Variants in DYM observed in about 807,000 individuals in gnomAD.
DYM encodes the protein dymeclin, also known as dyggve-Melchior-Clausen syndrome protein.
In DYM, 78 loss-of-function variants were observed where a neutral mutation model predicts 93.1. That is an observed-to-expected ratio of 0.84 (90% CI 0.70 to 1.01). The LOEUF is 1.01. DYM is among the 50% of genes least tolerant of loss of function. DYM has a pLI of 0.00. For missense variants in DYM, 789 were observed against 845.0 expected, an observed-to-expected ratio of 0.93 and a Z score of 0.82; for synonymous variants, 321 against 319.7, an observed-to-expected ratio of 1.00 and a Z score of -0.04.
At chr18:49,405,540 T>G (rs1568388160) in intron 2 of DYM, among the ~76,000 whole-genome samples, 2 of 152,244 alleles carry the variant, frequency 1.3e-5, no homozygotes, top group African/African-American at 2.4e-5. Context: ...AAAGATCAGA[T>G]AGCTGTAGGT....
intron 14 of DYM, among the ~76,000 whole-genome samples, chr18:49,190,033 T>C (rs2090825253): frequency 1.3e-5 from 2 of 152,236 alleles, no homozygotes; most frequent in Non-Finnish European, 2.9e-5. Flanking sequence ...AGCTGCCTGC[T>C]ACAGTACTAT....
At chr18:49,292,624 A>AAAAAAAAAAAC (rs1568189068) in intron 8 of DYM, among the ~76,000 whole-genome samples, 9 of 65,050 alleles carry the variant, frequency 1.4e-4, no homozygotes, top group African/African-American at 4.3e-4. Flanking sequence ...AAAAAAAAAA[A>AAAAAAAAAAAC]ACCCCCACAA....
chr18:49,323,191 C>T lies in DYM; in HGVS notation c.763+8673G>A, dbSNP rs544147256. 8.5e-5 allele frequency among the ~76,000 whole-genome samples: 13 copies of T among 152,058 alleles called. No homozygotes were observed. The South Asian group carries it at 2.7e-3, about 32-fold the overall frequency. Reference sequence around the variant, plus strand: ...GTTTTGTTTTTTGTTTTTTAAAAAACAAAAACAAAACATAACAAAAAAACA... The same window carrying T: ...GTTTTGTTTTTTGTTTTTTAAAAAATAAAAACAAAACATAACAAAAAAACA... On this transcript the variant is annotated intron_variant, in intron 8 of 17. Coordinates refer to ENST00000675505, the MANE Select transcript of DYM (RefSeq NM_001353214.3).
chr18:49,458,185 G>A (rs1359913351), intron 1 of DYM, among the ~76,000 whole-genome samples: 1 of 152,068 alleles, frequency 6.6e-6, no homozygotes, highest in Non-Finnish European at 1.5e-5. Context: ...TAACCAAATT[G>A]CCCAAATATT....
intron 15 of DYM, among the ~76,000 whole-genome samples, chr18:49,119,539 G>C (rs968575418): frequency 6.6e-6 from 1 of 152,178 alleles, no homozygotes; most frequent in Admixed American, 6.5e-5. Flanking sequence ...ATATACAACA[G>C]ACTTTCCTCT....
At chr18:49,407,336 T>C (rs2071616904) in intron 2 of DYM, among the ~76,000 whole-genome samples, 1 of 152,166 alleles carries the variant, frequency 6.6e-6, no homozygotes, top group Non-Finnish European at 1.5e-5. Context: ...TAAATAACTG[T>C]GTTAGTCCAT....
At chr18:49,296,540 T>C (rs567721409) in intron 8 of DYM, among the ~76,000 whole-genome samples, 41 of 152,154 alleles carry the variant, frequency 2.7e-4, no homozygotes, top group Admixed American at 8.5e-4. Context: ...GACAGATAAA[T>C]AAACTGCAGT....
chr18:49,229,553 CAA>C (rs2093637081), intron 13 of DYM, among the ~76,000 whole-genome samples: 1 of 152,050 alleles, frequency 6.6e-6, no homozygotes, highest in Non-Finnish European at 1.5e-5. Flanking sequence ...TAGGGAAATG[CAA>C]ATTAAAACCA....
intron 9 of DYM, among the ~76,000 whole-genome samples, chr18:49,284,176 T>C (rs1278359870): frequency 6.6e-6 from 1 of 152,178 alleles, no homozygotes; most frequent in African/African-American, 2.4e-5. Flanking sequence ...GTGGGTTGTG[T>C]ATATGTATCC....
chr18:49,407,371 G>T (rs113116385), intron 2 of DYM, among the ~76,000 whole-genome samples: 1,694 of 152,218 alleles, frequency 0.011, 31 homozygotes, highest in African/African-American at 0.039. Context: ...AAGGAATACC[G>T]GAGCCTGAGT....
chr18:49,318,096 C>T (rs1385785922), intron 8 of DYM, among the ~76,000 whole-genome samples: 4 of 152,198 alleles, frequency 2.6e-5, no homozygotes, highest in African/African-American at 9.6e-5. Context: ...ATACCCCACA[C>T]CCTTGCCCCA....
At chr18:49,098,090 C>G (rs1490858806) in intron 16 of DYM, among the ~76,000 whole-genome samples, 1 of 152,156 alleles carries the variant, frequency 6.6e-6, no homozygotes, top group Non-Finnish European at 1.5e-5. Context: ...GATATTAACA[C>G]AGTAGCATTC....
intron 1 of DYM, among the ~76,000 whole-genome samples, chr18:49,454,324 C>A (rs1466652094): frequency 6.6e-6 from 1 of 152,166 alleles, no homozygotes; most frequent in Admixed American, 6.5e-5. Context: ...AGCCCCAAAT[C>A]ATTTTCTAAC....
chr18:49,072,052 TTG>T (rs2076934911), intron 17 of DYM, among the ~76,000 whole-genome samples: 1 of 152,214 alleles, frequency 6.6e-6, no homozygotes, highest in Non-Finnish European at 1.5e-5. Context: ...TAGTCAGATT[TTG>T]TTTTACAAAA....
At chr18:49,175,854 A>G (rs1568546229) in intron 14 of DYM, among the ~76,000 whole-genome samples, 2 of 152,192 alleles carry the variant, frequency 1.3e-5, no homozygotes, top group Admixed American at 6.5e-5. Flanking sequence ...AGACAAAGAA[A>G]TATATGTGTG....
chr18:49,420,216 G>A (rs1245793031), intron 2 of DYM, among the ~76,000 whole-genome samples: 1 of 147,448 alleles, frequency 6.8e-6, no homozygotes, highest in African/African-American at 2.5e-5. Context: ...CGCCCAGGCT[G>A]GAGTGCAATG....
intron 17 of DYM, among the ~76,000 whole-genome samples, chr18:49,054,901 G>C (rs980711934): frequency 1.3e-5 from 2 of 152,182 alleles, no homozygotes; most frequent in Non-Finnish European, 2.9e-5. Context: ...CCCCATGCTC[G>C]GGACAAGCTC....
At chr18:49,114,097 A>G (rs1377344682) in intron 16 of DYM, among the ~76,000 whole-genome samples, 2 of 152,222 alleles carry the variant, frequency 1.3e-5, no homozygotes, top group South Asian at 4.2e-4. Context: ...GCCCCCTGCA[A>G]TAACATGTGA....
chr18:49,142,455 A>T (rs1008354054), intron 15 of DYM, among the ~76,000 whole-genome samples: 2 of 152,222 alleles, frequency 1.3e-5, no homozygotes, highest in African/African-American at 4.8e-5. Context: ...TTTACCAATG[A>T]CTTAAGAAAT....
Sources: allele counts gnomAD v4.1 joint callset (sites outside exome capture counted in the v4.1 genomes callset), GRCh38; gene constraint gnomAD v4.1.1; transcripts MANE v1.5; gene names NCBI Gene and HGNC (gene_info 2026-07-23, HGNC 2026-07-21).